The following TMEM108 variants were observed in gnomAD, a reference collection of about 807,000 sequenced individuals.
TMEM108 encodes the protein transmembrane protein 108.
TMEM108 carries 12 observed loss-of-function variants against 35.1 expected under a neutral mutation model. The ratio of observed to expected loss-of-function variants is 0.34; its 90% CI spans 0.22 to 0.55. TMEM108 has a LOEUF of 0.55. Among genes scored for constraint, TMEM108 ranks in the 20% least tolerant of loss-of-function variants. The pLI is 0.89. For missense variants in TMEM108, 680 were observed against 753.3 expected (o/e 0.90, Z 1.14); for synonymous variants, 287 against 308.6 (o/e 0.93, Z 0.73).
chr3:133,309,838 C>G (rs574349423), intron 3 of TMEM108, among the ~76,000 whole-genome samples: 195 of 151,680 alleles, frequency 1.3e-3, no homozygotes, highest in African/African-American at 4.2e-3. Context: ...GTAGCTGGGA[C>G]TACAGGCGCC....
chr3:133,375,889 A>G (rs2107828732), intron 3 of TMEM108, among the ~76,000 whole-genome samples: 1 of 152,326 alleles, frequency 6.6e-6, no homozygotes, highest in Non-Finnish European at 1.5e-5. Context: ...GATTAGGTGA[A>G]ATGCCAGATC....
intron 2 of TMEM108, among the ~76,000 whole-genome samples, chr3:133,134,379 A>G (rs1032671595): frequency 1.3e-5 from 2 of 152,042 alleles, no homozygotes; most frequent in African/African-American, 4.8e-5. Flanking sequence ...GAAGTTATCA[A>G]TTACTAGGAG....
chr3:133,288,582 A>G (rs1049864890), intron 3 of TMEM108, among the ~76,000 whole-genome samples: 1 of 152,120 alleles, frequency 6.6e-6, no homozygotes, highest in Non-Finnish European at 1.5e-5. Flanking sequence ...TATGTTGTGG[A>G]AAATCACATG....
chr3:133,207,418 T>G (rs1307471528), intron 2 of TMEM108, among the ~76,000 whole-genome samples: 11 of 152,092 alleles, frequency 7.2e-5, no homozygotes. Context: ...CCAGAGCTGT[T>G]CCTGTTTGGC....
intron 2 of TMEM108, among the ~76,000 whole-genome samples, chr3:133,160,240 C>T (rs1009108780): frequency 2.0e-5 from 3 of 152,138 alleles, no homozygotes; most frequent in Middle Eastern, 3.2e-3. Context: ...GGCGCTGCTG[C>T]GAGAAGAGGA....
At chr3:133,132,604 A>T (rs1338086149) in intron 2 of TMEM108, among the ~76,000 whole-genome samples, 1 of 152,178 alleles carries the variant, frequency 6.6e-6, no homozygotes. Flanking sequence ...AGGGGGATGT[A>T]CAAGGAGATT....
chr3:133,335,831 C>T (rs372574868), intron 3 of TMEM108, among the ~76,000 whole-genome samples: 13 of 152,154 alleles, frequency 8.5e-5, no homozygotes, highest in Admixed American at 5.9e-4. Flanking sequence ...GCTGAATCAC[C>T]GATGGTACCC....
intron 2 of TMEM108, among the ~76,000 whole-genome samples, chr3:133,137,445 C>T (rs543877431): frequency 4.6e-5 from 7 of 152,308 alleles, no homozygotes; most frequent in South Asian, 2.1e-4. Context: ...CATCCTGTCA[C>T]GCCTGCCCCA....
rs553318779 is a variant in TMEM108 at position 133,297,800 on chromosome 3, C to T, written c.40+68449C>T. ...GCTGTATTCATGTTGCTTTACACTG[C>T]AGAACAAGCACCCCTCCAGGCGAAA... On this transcript the variant is annotated intron_variant, in intron 3 of 5. Coordinates refer to ENST00000321871, the MANE Select transcript of TMEM108 (RefSeq NM_023943.4). Among the ~76,000 whole-genome samples the T allele has an allele frequency of 1.2e-4, 19 of 152,258 alleles. No individual in the cohort carries two copies. The South Asian group carries it at 2.3e-3, about 18-fold the overall frequency.
chr3:133,225,483 C>G (rs572301435), intron 2 of TMEM108, among the ~76,000 whole-genome samples: 8 of 152,254 alleles, frequency 5.3e-5, no homozygotes, highest in Admixed American at 4.6e-4. Context: ...CAAAGAAGAA[C>G]ACTTCCCAGC....
In TMEM108 at chr3:133,259,568, A is replaced by G. The variant is rs527587517; in HGVS notation, c.40+30217A>G. On this transcript the variant is annotated intron_variant, in intron 3 of 5. Coordinates refer to ENST00000321871, the MANE Select transcript of TMEM108 (RefSeq NM_023943.4). ...TAAATTGGCTGCAAATAAATAATTG[A>G]ATTAAGATTTTAATTCCTGGCCTCT... Among the ~76,000 whole-genome samples, 36 of 152,338 alleles carry G rather than the reference A, an allele frequency of 2.4e-4. No homozygotes were observed. In the Middle Eastern group the frequency reaches 0.01, roughly 43 times the overall value.
At chr3:133,116,023 A>G (rs1167986564) in intron 2 of TMEM108, among the ~76,000 whole-genome samples, 1 of 152,254 alleles carries the variant, frequency 6.6e-6, no homozygotes, top group Non-Finnish European at 1.5e-5. Context: ...TTGAACAGGC[A>G]GTTTACATAG....
Position 133,369,421 on chromosome 3 carries a change from C to T in TMEM108, c.41-10331C>T, listed in dbSNP as rs553783612. Among the ~76,000 whole-genome samples, 295 of 152,278 alleles carry T rather than the reference C, an allele frequency of 1.9e-3. 2 individuals are homozygous for T. The highest frequency in any genetic ancestry group is 6.6e-3 in the African/African-American group (276 of 41,538). Reference sequence around the variant, plus strand: ...TTTAAGCAACAGGGTAATCTAGCCCCGTGGTACTGACAAATAAGCTTTGAT... The same window carrying T: ...TTTAAGCAACAGGGTAATCTAGCCCTGTGGTACTGACAAATAAGCTTTGAT... On this transcript the variant is annotated intron_variant, in intron 3 of 5. Transcript: ENST00000321871.
chr3:133,122,855 T>A (rs1336756973), intron 2 of TMEM108, among the ~76,000 whole-genome samples: 4 of 109,446 alleles, frequency 3.7e-5, no homozygotes, highest in Non-Finnish European at 7.4e-5. Flanking sequence ...AGAGCGAGAC[T>A]CCATCTCAAA....
chr3:133,224,897 A>G lies in TMEM108; in HGVS notation c.-46-4369A>G, dbSNP rs79393276. Among the ~76,000 whole-genome samples the G allele has an allele frequency of 4.2e-3, 641 of 151,998 alleles. 4 individuals are homozygous for G. The highest frequency in any genetic ancestry group is 0.014 in the African/African-American group (599 of 41,440). ...TGGGGAATTTCTCACTTTATCCTTC[A>G]TCCTTAGGTCCCACCTGCTACCATC... On this transcript the variant is annotated intron_variant, in intron 2 of 5. Coordinates refer to ENST00000321871, the MANE Select transcript of TMEM108 (RefSeq NM_023943.4).
chr3:133,195,492 T>C (rs1945563183), intron 2 of TMEM108, among the ~76,000 whole-genome samples: 1 of 152,226 alleles, frequency 6.6e-6, no homozygotes, highest in Admixed American at 6.5e-5. Context: ...GAGGAAATTT[T>C]TCCTATTCTC....
intron 2 of TMEM108, among the ~76,000 whole-genome samples, chr3:133,133,350 A>G (rs535483881): frequency 6.6e-6 from 1 of 152,372 alleles, no homozygotes; most frequent in South Asian, 2.1e-4. Flanking sequence ...CTGAAGGCTC[A>G]GATGATCATT....
intron 3 of TMEM108, among the ~76,000 whole-genome samples, chr3:133,249,592 A>G (rs1014242409): frequency 1.3e-5 from 2 of 152,172 alleles, no homozygotes; most frequent in African/African-American, 4.8e-5. Context: ...TAATTCACTT[A>G]GTATAATAGC....
chr3:133,140,274 C>T (rs997750465), intron 2 of TMEM108, among the ~76,000 whole-genome samples: 1 of 152,070 alleles, frequency 6.6e-6, no homozygotes, highest in East Asian at 1.9e-4. Flanking sequence ...AGTGCATAGA[C>T]ATTATAGTTG....
Sources: allele counts gnomAD v4.1 joint callset (sites outside exome capture counted in the v4.1 genomes callset), GRCh38; gene constraint gnomAD v4.1.1; transcripts MANE v1.5; gene names NCBI Gene and HGNC (gene_info 2026-07-23, HGNC 2026-07-21).